OR7A10: variants seen among roughly 807,000 people sequenced by gnomAD.
The protein encoded by OR7A10 is olfactory receptor family 7 subfamily A member 10.
For synonymous variants in OR7A10, 144 were observed against 144.5 expected (o/e 1.00, Z 0.02); for missense variants, 358 against 370.1 (o/e 0.97, Z 0.27).
intron 1 of OR7A10, among the ~76,000 whole-genome samples, chr19:14,843,298 A>G (rs1490374489): frequency 6.6e-6 from 1 of 152,246 alleles, no homozygotes; most frequent in Non-Finnish European, 1.5e-5. Context: ...TTAAAACATG[A>G]TGTGTTGAAG....
chr19:14,842,830 T>G (rs926231414), intron 1 of OR7A10, among the ~76,000 whole-genome samples: 1 of 152,170 alleles, frequency 6.6e-6, no homozygotes, highest in Non-Finnish European at 1.5e-5. Flanking sequence ...TGAATATAAG[T>G]GTGGATGTGT....
At position 14,841,631 on chromosome 19, in the gene OR7A10, C is replaced by G. The variant is rs749239575; in HGVS notation, c.247G>C (p.Val83Leu). 6.2e-7 allele frequency: 1 copy of G among 1,614,002 alleles called. No homozygotes were observed. The highest frequency in any genetic ancestry group is 1.7e-5 in the Admixed American group (1 of 59,992). ...FVSTTVPKML[V>L]NIQTHNKVIT... ...ACTTTGTTGTGTGTCTGGATGTTCA[C>G]CAGCATCTTCGGGACAGTGGTAGAG... The change falls in exon 2 of 2, where the codon GTG becomes CTG. Residue 83 changes from valine to leucine, a missense_variant. Coordinates refer to ENST00000641129, the MANE Select transcript of OR7A10 (RefSeq NM_001005190.2).
In OR7A10 at chr19:14,848,656, ACAAGGATGTCCCATCCAGCC is replaced by A. The variant is rs1043806499; in HGVS notation, c.-189_-170del. ...CCAGCAGATATAGACTCCGAAAGAA[ACAAGGATGTCCCATCCAGCC>A]CAAGGTTGCATATGCTGAGGGACAC... On this transcript the variant is annotated 5_prime_UTR_variant, in exon 1 of 2. It removes an upstream start codon present in the reference 5' UTR. Coordinates refer to ENST00000641129, the MANE Select transcript of OR7A10 (RefSeq NM_001005190.2). 3.5e-4 allele frequency: 54 copies of A among 152,384 alleles called. No individual in the cohort carries two copies. The highest frequency in any genetic ancestry group is 3.3e-3 in the Admixed American group (50 of 15,304). 9.4% of individuals were successfully genotyped at this position (152,384 alleles called of 1,614,324 possible). A position where few individuals can be genotyped will look rare whatever the true frequency, so the allele number is the denominator to read the frequency against.
intron 1 of OR7A10, among the ~76,000 whole-genome samples, chr19:14,844,825 G>A (rs2145097496): frequency 6.6e-6 from 1 of 151,414 alleles, no homozygotes; most frequent in Admixed American, 6.6e-5. Context: ...ACCACACCCG[G>A]CTAATTTTTG....
chr19:14,846,047 G>A (rs7247559), intron 1 of OR7A10, among the ~76,000 whole-genome samples: 9,542 of 152,160 alleles, frequency 0.063, 504 homozygotes, highest in African/African-American at 0.14. Flanking sequence ...CAGCTACTTC[G>A]GGAGGCTGAG....
intron 1 of OR7A10, among the ~76,000 whole-genome samples, chr19:14,843,482 A>G (rs149018262): frequency 3.3e-5 from 5 of 152,290 alleles, no homozygotes; most frequent in African/African-American, 1.2e-4. Context: ...TTTTGAAGTT[A>G]TTCCTCCTGT....
chr19:14,841,922 G>T, intron 1 of OR7A10, 33 bp from the exon 2 acceptor site: 3 of 1,246,282 alleles, frequency 2.4e-6, no homozygotes, highest in Non-Finnish European at 3.4e-6. Flanking sequence ...GAGAGAGAGA[G>T]TGAAAGAACA....
Position 14,840,834 on chromosome 19 carries a change from G to C in OR7A10, c.*114C>G. On this transcript the variant is annotated 3_prime_UTR_variant, in exon 2 of 2. Transcript: ENST00000641129. ...GAGGAACAAAGAAGTTTAAACTCCA[G>C]GAAATAAATGGAAGGGGCAAGTCTT... The C allele has an allele frequency of 1.4e-6, 1 of 719,312 alleles. No homozygotes were observed. The highest frequency in any genetic ancestry group is 2.3e-6 in the Non-Finnish European group (1 of 436,294). 44.6% of individuals were successfully genotyped at this position (719,312 alleles called of 1,614,324 possible). A position where few individuals can be genotyped will look rare whatever the true frequency, so the allele number is the denominator to read the frequency against.
chr19:14,847,846 G>A (rs539992483), intron 1 of OR7A10, among the ~76,000 whole-genome samples: 3 of 151,220 alleles, frequency 2.0e-5, no homozygotes, highest in South Asian at 2.1e-4. Context: ...AAAAATTGGC[G>A]GGGCCAGGTG....
chr19:14,841,922 GT>G, intron 1 of OR7A10, 33 bp from the exon 2 acceptor site: 5 of 1,246,278 alleles, frequency 4.0e-6, no homozygotes, highest in Non-Finnish European at 5.6e-6. Context: ...GAGAGAGAGA[GT>G]GAAAGAACAT....
chr19:14,842,866 C>A (rs1599932010), intron 1 of OR7A10, among the ~76,000 whole-genome samples: 1 of 152,164 alleles, frequency 6.6e-6, no homozygotes, highest in African/African-American at 2.4e-5. Flanking sequence ...ATTTATATTT[C>A]TTTGGGTATA....
Position 14,841,889 on chromosome 19 carries a change from A to G in OR7A10, c.-12T>C. The G allele has an allele frequency of 2.0e-6, 3 of 1,499,778 alleles. No homozygotes were observed. Among genetic ancestry groups the G allele is most frequent in the East Asian group, 4.5e-5 (2 of 44,262 alleles). The allele number at this position is 1,499,778 out of a possible 1,614,324, so 92.9% of individuals were successfully genotyped here. ...TTCCATGATTTCATCTTGTGATGTG[A>G]CTACCAGAGAGAGAGAGAGAGAGAG... On this transcript the variant is annotated splice_region_variant and 5_prime_UTR_variant, in exon 2 of 2. Coordinates refer to ENST00000641129, the MANE Select transcript of OR7A10 (RefSeq NM_001005190.2).
chr19:14,842,330 C>G (rs2044919872), intron 1 of OR7A10, among the ~76,000 whole-genome samples: 2 of 152,248 alleles, frequency 1.3e-5, no homozygotes, highest in Admixed American at 1.3e-4. Context: ...TAACTCATTG[C>G]AACCTCTGTC....
At position 14,841,465 on chromosome 19, in the gene OR7A10, G is replaced by A. The variant is rs769789754; in HGVS notation, c.413C>T (p.Pro138Leu). 2 of 1,614,166 alleles carry A rather than the reference G, an allele frequency of 1.2e-6. No individual in the cohort carries two copies. Among genetic ancestry groups the A allele is most frequent in the South Asian group, 2.2e-5 (2 of 91,080 alleles). The change falls in exon 2 of 2, where the codon CCT (proline) becomes CTT (leucine). Residue 138 changes from proline (P) to leucine (L), a missense_variant. Coordinates refer to ENST00000641129, the MANE Select transcript of OR7A10 (RefSeq NM_001005190.2). ...HPLHYMVIMN[P>L]QLCGLLVLAS... is the part of the protein sequence containing the mutation. ...CAGAACCAGCAGTCCACAGAGTTGAGGGTTCATAATGACCATGTAGTGCAG... is the reference window on the plus strand; with the variant it reads ...CAGAACCAGCAGTCCACAGAGTTGAAGGTTCATAATGACCATGTAGTGCAG...
intron 1 of OR7A10, among the ~76,000 whole-genome samples, chr19:14,843,369 T>C (rs1423085712): frequency 6.6e-6 from 1 of 152,204 alleles, no homozygotes; most frequent in African/African-American, 2.4e-5. Context: ...CGTCACCTTG[T>C]CATCATTTTT....
intron 1 of OR7A10, among the ~76,000 whole-genome samples, chr19:14,846,024 G>A (rs576791223): frequency 6.6e-6 from 1 of 152,264 alleles, no homozygotes; most frequent in Non-Finnish European, 1.5e-5. Context: ...ATGGTGGCAT[G>A]CACCTGTAAT....
Position 14,841,719 on chromosome 19 carries a change from G to T in OR7A10, c.159C>A (p.Ser53=). 1 of 1,614,124 alleles carries T rather than the reference G, an allele frequency of 6.2e-7. No individual in the cohort carries two copies. Among genetic ancestry groups the T allele is most frequent in the Non-Finnish European group, 8.5e-7 (1 of 1,180,028 alleles). ...LLIILATISD[S]HLHTPMYFFL... Reference sequence around the variant, plus strand: ...AGAAGTACATGGGGGTGTGGAGGTGGGAGTCTGAGATTGTGGCCAGGATGA... The same window carrying T: ...AGAAGTACATGGGGGTGTGGAGGTGTGAGTCTGAGATTGTGGCCAGGATGA... The change falls in exon 2 of 2, where the codon TCC becomes TCA. Residue 53 remains serine (S), a synonymous_variant. Transcript: ENST00000641129.
intron 1 of OR7A10, among the ~76,000 whole-genome samples, chr19:14,842,353 C>T (rs535327012): frequency 3.7e-4 from 57 of 152,284 alleles, no homozygotes; most frequent in African/African-American, 1.2e-3. Context: ...TTTGTTCAAG[C>T]GAATCTTGTG....
intron 1 of OR7A10, among the ~76,000 whole-genome samples, chr19:14,845,596 T>C (rs1318703810): frequency 6.6e-6 from 1 of 152,178 alleles, no homozygotes; most frequent in Admixed American, 6.5e-5. Flanking sequence ...CTTAAGGAGC[T>C]ACCACATTGA....
Sources: allele counts gnomAD v4.1 joint callset (sites outside exome capture counted in the v4.1 genomes callset), GRCh38; gene constraint gnomAD v4.1.1; transcripts MANE v1.5; gene names NCBI Gene and HGNC (gene_info 2026-07-23, HGNC 2026-07-21).